Variants in PIK3C2G observed in about 807,000 individuals in gnomAD.
PIK3C2G encodes phosphatidylinositol 3-kinase C2 domain-containing subunit gamma.
A neutral mutation model predicts 181.1 loss-of-function variants in PIK3C2G; 168 were observed. That is an observed-to-expected ratio of 0.93 (90% CI 0.82 to 1.05). PIK3C2G has a LOEUF of 1.05. PIK3C2G is among the 50% of genes least tolerant of loss of function. The pLI is 0.00. For missense variants in PIK3C2G, 1,869 were observed against 1,732.8 expected, an observed-to-expected ratio of 1.08 and a Z score of -1.40; for synonymous variants, 573 against 592.2, an observed-to-expected ratio of 0.97 and a Z score of 0.47.
At chr12:18,704,969 A>G in the PIK3C2G span, among the ~76,000 whole-genome samples, 6 of 152,182 alleles carry the variant, frequency 3.9e-5, no homozygotes, top group Non-Finnish European at 7.3e-5. Flanking sequence ...GTATATATAT[A>G]TAAATTTTAA....
chr12:18,423,799 C>A, intron 17 of PIK3C2G, 146 bp from the exon 18 acceptor site: 1 of 612,496 alleles, frequency 1.6e-6, no homozygotes, highest in Non-Finnish European at 3.0e-6. Context: ...CATATACCGA[C>A]TCATAAAATC....
Position 18,338,653 on chromosome 12 carries a change from TTGTGTGTATCTG to T in PIK3C2G, c.1395+113_1395+124del, listed in dbSNP as rs1370796598. 105 of 716,524 alleles carry T rather than the reference TTGTGTGTATCTG, an allele frequency of 1.5e-4. No individual in the cohort carries two copies. In the Middle Eastern group the frequency reaches 2.5e-3, roughly 17 times the overall value. The allele number at this position is 716,524 out of a possible 1,614,324, so 44.4% of individuals were successfully genotyped here. A position where few individuals can be genotyped will look rare whatever the true frequency, so the allele number is the denominator to read the frequency against. On this transcript the variant is annotated intron_variant, in intron 9 of 32. Coordinates refer to ENST00000538779, the MANE Select transcript of PIK3C2G (RefSeq NM_001288772.2). ...AACAACTATATTTCCGTGTGTATGT[TTGTGTGTATCTG>T]TGTGTGTGTGTGTGTGTGTGTGTGT...
the PIK3C2G span, among the ~76,000 whole-genome samples, chr12:18,703,544 C>T: frequency 6.6e-6 from 1 of 152,118 alleles, no homozygotes; most frequent in African/African-American, 2.4e-5. Flanking sequence ...TTTATTCAAA[C>T]CCTGACTAAA....
intron 2 of PIK3C2G, 105 bp from the exon 3 acceptor site, chr12:18,286,742 T>A (rs1241800035): frequency 3.0e-5 from 19 of 632,340 alleles, no homozygotes; most frequent in South Asian, 2.4e-4. Context: ...CTAAAAAAAA[T>A]TAAAAATGAA....
intron 24 of PIK3C2G, among the ~76,000 whole-genome samples, chr12:18,513,329 TTTC>T (rs1291952552): frequency 6.6e-6 from 1 of 151,726 alleles, no homozygotes; most frequent in Non-Finnish European, 1.5e-5. Context: ...TTTGAAAGAA[TTTC>T]TTCTATTTCA....
chr12:18,636,429 C>G (rs147258463), intron 31 of PIK3C2G, among the ~76,000 whole-genome samples: 1 of 152,034 alleles, frequency 6.6e-6, no homozygotes, highest in Non-Finnish European at 1.5e-5. Flanking sequence ...TGGGGTTTCT[C>G]CATGTTGGTC....
chr12:18,298,326 T>C (rs1950028200), intron 5 of PIK3C2G, among the ~76,000 whole-genome samples: 1 of 151,986 alleles, frequency 6.6e-6, no homozygotes, highest in African/African-American at 2.4e-5. Flanking sequence ...CTATGTCTTC[T>C]TTTGAGAAAG....
intron 29 of PIK3C2G, among the ~76,000 whole-genome samples, chr12:18,585,153 A>C (rs1946705328): frequency 6.6e-6 from 1 of 152,208 alleles, no homozygotes; most frequent in Admixed American, 6.5e-5. Context: ...CATGATAACC[A>C]GCTAACAATA....
the PIK3C2G span, chr12:18,701,380 A>T: frequency 6.6e-7 from 1 of 1,517,332 alleles, no homozygotes. Flanking sequence ...ATTGTAAATG[A>T]TAGACTAGAG....
At chr12:18,585,526 C>G (rs908666299) in intron 29 of PIK3C2G, among the ~76,000 whole-genome samples, 2 of 152,086 alleles carry the variant, frequency 1.3e-5, no homozygotes, top group Non-Finnish European at 2.9e-5. Context: ...GCAGCCAACA[C>G]AGGAACACCC....
intron 12 of PIK3C2G, among the ~76,000 whole-genome samples, chr12:18,363,532 T>C (rs1451406767): frequency 6.6e-6 from 1 of 152,030 alleles, no homozygotes. Context: ...AGCTCTTCCA[T>C]GGTTACTGCT....
the PIK3C2G span, chr12:18,695,166 A>G: frequency 1.4e-5 from 18 of 1,298,258 alleles, no homozygotes; most frequent in Non-Finnish European, 1.9e-5. Context: ...CTAATAATGG[A>G]TTCTATGTCC....
chr12:18,684,271 G>A, the PIK3C2G span: 2 of 1,605,550 alleles, frequency 1.2e-6, no homozygotes, highest in Non-Finnish European at 1.7e-6. Flanking sequence ...TTCCATCTTG[G>A]ACTAAAAGCT....
intron 31 of PIK3C2G, 29 bp downstream of exon 31, chr12:18,609,658 T>C (rs370413917): frequency 3.1e-5 from 42 of 1,338,278 alleles, no homozygotes; most frequent in Middle Eastern, 1.9e-4. Flanking sequence ...ATAAGAAACA[T>C]GTAAGCCTAC....
chr12:18,719,825 T>G, the PIK3C2G span, among the ~76,000 whole-genome samples: 1 of 152,058 alleles, frequency 6.6e-6, no homozygotes, highest in African/African-American at 2.4e-5. Context: ...TCTTCCATAT[T>G]AACATTCAAG....
intron 25 of PIK3C2G, among the ~76,000 whole-genome samples, chr12:18,542,492 T>A (rs1944210445): frequency 6.6e-6 from 1 of 151,832 alleles, no homozygotes; most frequent in Non-Finnish European, 1.5e-5. Flanking sequence ...GATGTACAGA[T>A]TATTTCATCG....
At chr12:18,253,321 A>G (rs1471396752) in intron 1 of PIK3C2G, among the ~76,000 whole-genome samples, 1 of 152,210 alleles carries the variant, frequency 6.6e-6, no homozygotes, top group African/African-American at 2.4e-5. Flanking sequence ...AGTAATACAA[A>G]ACAGATGTGG....
At chr12:18,324,933 A>G in intron 7 of PIK3C2G, 102 bp from the exon 8 acceptor site, 1 of 629,832 alleles carries the variant, frequency 1.6e-6, no homozygotes, top group Middle Eastern at 2.5e-4. Flanking sequence ...CATGCCTACG[A>G]TAGTATCATG....
At chr12:18,641,568 T>C (rs928703626) in intron 32 of PIK3C2G, among the ~76,000 whole-genome samples, 4 of 152,042 alleles carry the variant, frequency 2.6e-5, no homozygotes, top group African/African-American at 9.7e-5. Flanking sequence ...TTTTCCTTCA[T>C]TGTTATTCTT....
Sources: gnomAD v4.1 joint callset for allele counts (sites outside exome capture counted in the v4.1 genomes callset) on GRCh38, gnomAD v4.1.1 for gene constraint, MANE v1.5 for transcripts, NCBI Gene and HGNC (gene_info 2026-07-23, HGNC 2026-07-21) for gene names.